Variants in PDE10A observed in about 807,000 individuals in gnomAD.
PDE10A encodes the protein cAMP and cAMP-inhibited cGMP 3',5'-cyclic phosphodiesterase 10A.
A neutral mutation model predicts 97.7 loss-of-function variants in PDE10A; 39 were observed. That is an observed-to-expected ratio of 0.40 (90% CI 0.31 to 0.52). PDE10A has a LOEUF of 0.52. PDE10A is among the 20% of genes least tolerant of loss of function. PDE10A has a pLI of 0.56. For synonymous variants in PDE10A, 371 were observed against 376.8 expected, an observed-to-expected ratio of 0.98 and a Z score of 0.18; for missense variants, 731 against 1,047.8, an observed-to-expected ratio of 0.70 and a Z score of 4.17.
chr6:165,380,031 AC>A (rs558251909), intron 17 of PDE10A, among the ~76,000 whole-genome samples: 260 of 152,300 alleles, frequency 1.7e-3, no homozygotes, highest in Non-Finnish European at 2.5e-3. Context: ...ACCCTACACA[AC>A]ACCAGAACAC....
At chr6:165,824,360 A>T (rs1325444292) in intron 1 of PDE10A, among the ~76,000 whole-genome samples, 1 of 152,248 alleles carries the variant, frequency 6.6e-6, no homozygotes, top group Non-Finnish European at 1.5e-5. Context: ...AGCATGTCGA[A>T]ATTTTCAATG....
chr6:165,623,751 CT>C (rs1382757562), intron 1 of PDE10A, among the ~76,000 whole-genome samples: 2 of 149,736 alleles, frequency 1.3e-5, no homozygotes, highest in African/African-American at 5.1e-5. Flanking sequence ...GCATTCACCC[CT>C]GACCAATATG....
At chr6:165,449,148 A>C (rs1791088541) in intron 4 of PDE10A, among the ~76,000 whole-genome samples, 171 bp from the exon 5 acceptor site, 1 of 152,232 alleles carries the variant, frequency 6.6e-6, no homozygotes, top group Non-Finnish European at 1.5e-5. Flanking sequence ...TAATAGCATA[A>C]TTAAAATATC....
intron 1 of PDE10A, among the ~76,000 whole-genome samples, chr6:165,676,798 G>T (rs1790809485): frequency 6.6e-6 from 1 of 152,148 alleles, no homozygotes; most frequent in South Asian, 2.1e-4. Context: ...TGCTCTGGGA[G>T]GGCGGAGTGC....
intron 1 of PDE10A, chr6:165,775,340 A>AACAT (rs1778149967): frequency 6.6e-6 from 1 of 152,218 alleles, no homozygotes; most frequent in Non-Finnish European, 1.5e-5. Flanking sequence ...ACATTTTTCT[A>AACAT]ACATGCAGAG....
intron 1 of PDE10A, among the ~76,000 whole-genome samples, chr6:165,550,340 AT>A (rs1783950773): frequency 6.6e-6 from 1 of 152,182 alleles, no homozygotes; most frequent in African/African-American, 2.4e-5. Flanking sequence ...AATTATCTCA[AT>A]TTTGTAATTT....
At chr6:165,652,024 C>T (rs1789711090) in intron 1 of PDE10A, among the ~76,000 whole-genome samples, 1 of 152,142 alleles carries the variant, frequency 6.6e-6, no homozygotes, top group Admixed American at 6.5e-5. Context: ...CATGCCAGTA[C>T]CACTTGTCTT....
chr6:165,435,401 A>G lies in PDE10A; in HGVS notation c.1195-24T>C, dbSNP rs748265169. 1.1e-5 allele frequency: 17 copies of G among 1,608,092 alleles called. No individual in the cohort carries two copies. In the Admixed American group the frequency reaches 1.7e-4, roughly 16 times the overall value. On this transcript the variant is annotated intron_variant, in intron 5 of 21. Transcript: ENST00000539869. ...CTCTAGGGAGAAGAAAAGATGTTTT[A>G]CAGACTTTCCTGTACATGTGCATAG...
At chr6:165,636,545 C>T (rs908093797) in intron 1 of PDE10A, among the ~76,000 whole-genome samples, 1 of 152,188 alleles carries the variant, frequency 6.6e-6, no homozygotes. Context: ...CAGGAAACCT[C>T]ACATTCCAGA....
At chr6:165,553,377 G>T (rs572527014) in intron 1 of PDE10A, among the ~76,000 whole-genome samples, 2 of 152,170 alleles carry the variant, frequency 1.3e-5, no homozygotes, top group East Asian at 3.9e-4. Context: ...TTAGATTTTG[G>T]TTAACTCGAT....
At chr6:165,535,408 T>C (rs1783021100) in intron 2 of PDE10A, among the ~76,000 whole-genome samples, 1 of 151,918 alleles carries the variant, frequency 6.6e-6, no homozygotes, top group Non-Finnish European at 1.5e-5. Flanking sequence ...GCAAGATCTA[T>C]TATTCCACTC....
intron 1 of PDE10A, among the ~76,000 whole-genome samples, chr6:165,630,413 C>A (rs528704390): frequency 6.6e-6 from 1 of 152,240 alleles, no homozygotes; most frequent in South Asian, 2.1e-4. Flanking sequence ...TCCCTGAAAG[C>A]TTCATAACTT....
At chr6:165,428,402 A>C (rs191876742) in intron 10 of PDE10A, among the ~76,000 whole-genome samples, 21 of 152,240 alleles carry the variant, frequency 1.4e-4, no homozygotes, top group Admixed American at 1.4e-3. Flanking sequence ...GAAGAACATA[A>C]AAAGAAACCA....
chr6:165,816,094 C>T (rs1211088677), intron 1 of PDE10A, among the ~76,000 whole-genome samples: 7 of 152,014 alleles, frequency 4.6e-5, no homozygotes, highest in Admixed American at 1.3e-4. Context: ...GGACTACAGG[C>T]GCCCACCACC....
chr6:165,757,230 G>C (rs1030786629), intron 1 of PDE10A, among the ~76,000 whole-genome samples: 3 of 152,134 alleles, frequency 2.0e-5, no homozygotes, highest in African/African-American at 7.2e-5. Context: ...CTCCCAAAGT[G>C]CTGGGATTCC....
intron 10 of PDE10A, among the ~76,000 whole-genome samples, chr6:165,420,876 A>G (rs770080556): frequency 2.0e-5 from 3 of 152,172 alleles, no homozygotes; most frequent in Non-Finnish European, 2.9e-5. Flanking sequence ...AATTTTTTCC[A>G]GTTGTTTTTA....
In PDE10A at chr6:165,857,698, CGTGTGTGT is replaced by C. The variant is rs775208021; in HGVS notation, c.-615+129823_-615+129830del. ...CTTTGCAATGTGATTTCAACAGTTC[CGTGTGTGT>C]GTGTGTGTGTGTGTGTGTGTGTGTG... is the stretch of plus-strand genomic sequence containing the variant. On this transcript the variant is annotated intron_variant, in intron 1 of 19. Transcript: ENST00000366882. Among the ~76,000 whole-genome samples the C allele has an allele frequency of 3.2e-4, 39 of 123,522 alleles. 1 individual carries two copies. The highest frequency in any genetic ancestry group is 5.2e-4 in the Admixed American group (6 of 11,572). 81.0% of individuals were successfully genotyped at this position (123,522 alleles called of 152,430 possible).
Position 165,694,907 on chromosome 6 carries a change from C to T in PDE10A, c.-614-151339G>A, listed in dbSNP as rs77509493. On this transcript the variant is annotated intron_variant, in intron 1 of 19. Coordinates refer to the PDE10A transcript ENST00000366882. ...CAGGATAGTAACAAGTTTTCAGCTT[C>T]CTCATGTCTTCCGTAGCCTTCAATT... Among the ~76,000 whole-genome samples, 941 of 152,276 alleles carry T rather than the reference C, an allele frequency of 6.2e-3. 12 individuals carry two copies. Among genetic ancestry groups the T allele is most frequent in the African/African-American group, 0.022 (904 of 41,550 alleles).
intron 1 of PDE10A, among the ~76,000 whole-genome samples, chr6:165,719,890 C>T (rs1166634010): frequency 4.6e-5 from 7 of 152,194 alleles, no homozygotes; most frequent in Non-Finnish European, 1.0e-4. Flanking sequence ...CTATTTGGCT[C>T]AGGCTTGAGA....
Sources: gnomAD v4.1 joint callset for allele counts (sites outside exome capture counted in the v4.1 genomes callset) on GRCh38, gnomAD v4.1.1 for gene constraint, MANE v1.5 for transcripts, NCBI Gene and HGNC (gene_info 2026-07-23, HGNC 2026-07-21) for gene names.